The following ANKRD26 variants were observed in gnomAD, a reference collection of about 807,000 sequenced individuals.
ANKRD26 encodes ankyrin repeat domain 26.
A neutral mutation model predicts 208.7 loss-of-function variants in ANKRD26; 141 were observed. The ratio of observed to expected loss-of-function variants is 0.68; its 90% CI spans 0.59 to 0.78. The LOEUF is 0.78. Ranked by LOEUF, ANKRD26 falls within the 30% of genes least tolerant of loss-of-function variation. ANKRD26 has a pLI of 0.00. For missense variants in ANKRD26, 1,889 were observed against 1,938.7 expected (o/e 0.97, Z 0.48); for synonymous variants, 636 against 660.4 (o/e 0.96, Z 0.57).
At chr10:27,032,499 G>A (rs765704402) in intron 25 of ANKRD26, among the ~76,000 whole-genome samples, 1 of 152,126 alleles carries the variant, frequency 6.6e-6, no homozygotes, top group Non-Finnish European at 1.5e-5. Context: ...AGCCAGGCGT[G>A]GTGGTGGGCA....
At chr10:26,948,753 C>T in the ANKRD26 span, among the ~76,000 whole-genome samples, 2 of 152,184 alleles carry the variant, frequency 1.3e-5, no homozygotes, top group African/African-American at 2.4e-5. Context: ...TTTGGGAGGA[C>T]GAGGTGGGTG....
chr10:26,972,096 G>A (rs531807390), downstream of ANKRD26, among the ~76,000 whole-genome samples: 46 of 152,090 alleles, frequency 3.0e-4, no homozygotes, highest in East Asian at 4.7e-3. Context: ...TTAGCCAGGC[G>A]TGGTGGCGGG....
chr10:27,038,422 C>T (rs138727101), intron 21 of ANKRD26, among the ~76,000 whole-genome samples: 38 of 152,082 alleles, frequency 2.5e-4, no homozygotes, highest in East Asian at 1.2e-3. Context: ...GGCCGAGGCG[C>T]GCAGATCACT....
intron 4 of ANKRD26, among the ~76,000 whole-genome samples, chr10:27,090,555 G>A (rs1259847953): frequency 2.0e-5 from 3 of 152,118 alleles, no homozygotes; most frequent in Non-Finnish European, 4.4e-5. Flanking sequence ...CATCTTGGGT[G>A]CTCAAGTGCT....
In ANKRD26 at chr10:27,066,519, CT is replaced by C; in HGVS notation, c.1236del (p.Glu413ArgfsTer4). 6.2e-7 allele frequency: 1 copy of C among 1,601,088 alleles called. No individual in the cohort carries two copies. The highest frequency in any genetic ancestry group is 8.5e-7 in the Non-Finnish European group (1 of 1,171,986). ...SDMMSALGLG[Q>X]EEDIESPWDS... Reference sequence around the variant, plus strand: ...TCCCAAGGTGATTCTATATCTTCCTCTTGTCCTAATCCTAATGCGGACATCA... The same window carrying C: ...TCCCAAGGTGATTCTATATCTTCCTCTGTCCTAATCCTAATGCGGACATCA... On this transcript the variant is annotated frameshift_variant, in exon 11 of 34. Coordinates refer to ENST00000376087, the MANE Select transcript of ANKRD26 (RefSeq NM_014915.3). LOFTEE classifies it high-confidence loss of function.
chr10:27,060,574 C>T (rs2055019360), intron 13 of ANKRD26, 34 bp from the exon 14 acceptor site: 1 of 1,413,186 alleles, frequency 7.1e-7, no homozygotes, highest in East Asian at 2.3e-5. Flanking sequence ...ATCAATTATA[C>T]ATAAATATGA....
At chr10:26,972,691 C>T (rs1158984962), downstream of ANKRD26, among the ~76,000 whole-genome samples, 1 of 150,174 alleles carries the variant, frequency 6.7e-6, no homozygotes, top group East Asian at 2.0e-4. Context: ...CCCAGGTTGA[C>T]GCCATTCTCC....
chr10:27,027,764 T>C (rs2053714957), intron 27 of ANKRD26, among the ~76,000 whole-genome samples: 2 of 152,202 alleles, frequency 1.3e-5, no homozygotes, highest in Non-Finnish European at 2.9e-5. Context: ...CAACTTACAA[T>C]AGCCCAACTT....
At chr10:26,963,515 T>C in the ANKRD26 span, among the ~76,000 whole-genome samples, 101 of 152,324 alleles carry the variant, frequency 6.6e-4, no homozygotes, top group African/African-American at 2.4e-3. Flanking sequence ...ATGCTGCCCA[T>C]TCCTGGATAG....
intron 4 of ANKRD26, among the ~76,000 whole-genome samples, chr10:27,087,886 T>C (rs2056174034): frequency 6.6e-6 from 1 of 152,132 alleles, no homozygotes; most frequent in South Asian, 2.1e-4. Flanking sequence ...GCTCAAGCAA[T>C]CCTCCTGCCT....
intron 4 of ANKRD26, among the ~76,000 whole-genome samples, chr10:26,998,883 T>C (rs900735467): frequency 6.6e-6 from 1 of 151,992 alleles, no homozygotes; most frequent in Non-Finnish European, 1.5e-5. Context: ...GAATGGAGAA[T>C]GGAGCACGCA....
chr10:27,029,357 C>A lies in ANKRD26; in HGVS notation c.3808-1G>T. 2.5e-6 allele frequency: 4 copies of A among 1,610,710 alleles called. No homozygotes were observed. Among genetic ancestry groups the A allele is most frequent in the Non-Finnish European group, 2.5e-6 (3 of 1,177,988 alleles). On this transcript the variant is annotated splice_acceptor_variant, in intron 25 of 33. Transcript: ENST00000376087. LOFTEE classifies it high-confidence loss of function. ...TATGTCGATCCTGTGCTTCTTGCAA[C>A]TAAAACAAAGAATAAAAAAAACCCA... is the stretch of plus-strand genomic sequence containing the variant.
chr10:26,959,968 A>G, the ANKRD26 span, among the ~76,000 whole-genome samples: 1 of 152,262 alleles, frequency 6.6e-6, no homozygotes, highest in South Asian at 2.1e-4. Flanking sequence ...GTGTCAGCCT[A>G]TGCAGCATAG....
chr10:26,992,501 C>CAG (rs777674093), intron 5 of ANKRD26, among the ~76,000 whole-genome samples: 1 of 149,862 alleles, frequency 6.7e-6, no homozygotes, highest in African/African-American at 2.5e-5. Flanking sequence ...CACACACACA[C>CAG]ACACACAGAG....
intron 4 of ANKRD26, among the ~76,000 whole-genome samples, chr10:26,998,962 T>C (rs1281850572): frequency 6.6e-6 from 1 of 151,832 alleles, no homozygotes; most frequent in Non-Finnish European, 1.5e-5. Flanking sequence ...TACGTGGAGG[T>C]GGGGGAGGCA....
chr10:26,995,807 G>A (rs1355701546), intron 4 of ANKRD26, among the ~76,000 whole-genome samples: 1 of 152,172 alleles, frequency 6.6e-6, no homozygotes, highest in African/African-American at 2.4e-5. Context: ...ATCTTCCTGA[G>A]GGGAAGAGAG....
At chr10:27,031,694 G>T (rs902550034) in intron 25 of ANKRD26, among the ~76,000 whole-genome samples, 30 of 152,122 alleles carry the variant, frequency 2.0e-4, no homozygotes, top group Non-Finnish European at 8.8e-5. Flanking sequence ...GAACTGTATG[G>T]TATATAAATT....
rs2054074939 is a variant in ANKRD26, at chr10:27,037,256, T to C, written c.2627A>G (p.Asp876Gly). The change falls in exon 23 of 34, where the codon GAT (aspartate) becomes GGT (glycine). Residue 876 changes from aspartate to glycine, a missense_variant. Transcript: ENST00000376087. The stretch of plus-strand genomic sequence containing the variant: ...GGAAAGGTGATTGGTCAGAATTCCA[T>C]CTTGTAACATTCTGGCATTCTGTTC... ...SREQNARMLQDGILTNHLSKQ... is the reference protein window; with the variant it reads ...SREQNARMLQGGILTNHLSKQ... The C allele has an allele frequency of 1.2e-6, 2 of 1,613,888 alleles. No homozygotes were observed. Among genetic ancestry groups the C allele is most frequent in the South Asian group, 2.2e-5 (2 of 91,076 alleles).
intron 3 of ANKRD26, among the ~76,000 whole-genome samples, chr10:26,985,137 A>AC (rs1017834416): frequency 1.2e-4 from 19 of 152,284 alleles, no homozygotes; most frequent in African/African-American, 4.3e-4. Flanking sequence ...AACTGGAGAT[A>AC]ATGGCAGCTG....
Sources: allele counts gnomAD v4.1 joint callset (sites outside exome capture counted in the v4.1 genomes callset), GRCh38; gene constraint gnomAD v4.1.1; transcripts MANE v1.5; gene names NCBI Gene and HGNC (gene_info 2026-07-23, HGNC 2026-07-21).